Variants in KCNC4 observed in about 807,000 individuals in gnomAD.
KCNC4 encodes the protein potassium voltage-gated channel subfamily C member 4.
KCNC4 carries 23 observed loss-of-function variants against 42.8 expected under a neutral mutation model. The ratio of observed to expected loss-of-function variants is 0.54; its 90% confidence interval spans 0.39 to 0.76. The LOEUF is 0.76. KCNC4 is among the 30% of genes least tolerant of loss of function. The pLI, the probability that KCNC4 is intolerant of heterozygous loss-of-function variation, is 0.00. For synonymous variants in KCNC4, 422 were observed against 393.5 expected, an observed-to-expected ratio of 1.07 and a Z score of -0.86; for missense variants, 751 against 898.2, an observed-to-expected ratio of 0.84 and a Z score of 2.10.
intron 1 of KCNC4, among the ~76,000 whole-genome samples, chr1:110,260,241 G>A (rs1001249215): frequency 1.3e-5 from 2 of 152,112 alleles, no homozygotes; most frequent in African/African-American, 4.8e-5. Flanking sequence ...AACCATTTAG[G>A]GCATAAGGGT....
intron 1 of KCNC4, among the ~76,000 whole-genome samples, chr1:110,268,796 C>T (rs12747528): frequency 0.14 from 20,592 of 147,580 alleles, 1,517 homozygotes; most frequent in African/African-American, 0.17. Context: ...GGCGCGATCT[C>T]GGCTCACTGC....
chr1:110,244,395 CAA>C (rs1659098830), exon 4 of KCNC4: 2 of 107,144 alleles, frequency 1.9e-5, no homozygotes, highest in African/African-American at 3.5e-5. Context: ...TAATAAATAA[CAA>C]AACCCAGTTC....
At chr1:110,237,932 C>T (rs1449960340), downstream of KCNC4, 1 of 152,294 alleles carries the variant, frequency 6.6e-6, no homozygotes, top group Non-Finnish European at 1.5e-5. Context: ...GCTCCAAGCC[C>T]TGTGTGTGCA....
chr1:110,275,650 C>T (rs1333995892), intron 1 of KCNC4, among the ~76,000 whole-genome samples: 4 of 152,052 alleles, frequency 2.6e-5, no homozygotes, highest in Admixed American at 6.6e-5. Context: ...GTATATACCA[C>T]GGAATACTAT....
At chr1:110,232,137 C>T in intron 3 of KCNC4, 3 of 1,355,594 alleles carry the variant, frequency 2.2e-6, no homozygotes, top group African/African-American at 1.4e-5. Flanking sequence ...ACATCCCAGG[C>T]TGAGGGTGGG....
chr1:110,215,040 T>A (rs1038851918), intron 1 of KCNC4, among the ~76,000 whole-genome samples: 3 of 152,222 alleles, frequency 2.0e-5, no homozygotes, highest in Non-Finnish European at 4.4e-5. Flanking sequence ...CCCGCAGCAC[T>A]GTGGGGTGGT....
exon 2 of KCNC4, chr1:110,282,590 C>T (rs1054554996): frequency 2.0e-5 from 3 of 152,294 alleles, no homozygotes; most frequent in East Asian, 3.8e-4. Context: ...GTGAACACCA[C>T]TCTGCTCTGC....
rs188825855 is a variant in KCNC4, at chr1:110,257,319, G to A, written n.31-25215G>A. Among the ~76,000 whole-genome samples, 16 of 152,226 alleles carry A rather than the reference G, an allele frequency of 1.1e-4. No individual in the cohort carries two copies. The East Asian group carries it at 1.9e-3, about 18-fold the overall frequency. ...ATAACATGGAGCCTGTCCAGAAGAC[G>A]TCAGTTGGGAAAGTTTAGGGTAAAA... On this transcript the variant is annotated intron_variant and non_coding_transcript_variant, in intron 1 of 2. Coordinates refer to the KCNC4 transcript ENST00000412512.
In KCNC4 at chr1:110,233,426, C is replaced by T. The variant is rs1487315181; in HGVS notation, c.*454C>T. Reference sequence around the variant, plus strand: ...GGCTCCTGTCTTGGGGATGTTTCCCCTGTCAGCAAGTAACCTGGTGAAGTC... The same window carrying T: ...GGCTCCTGTCTTGGGGATGTTTCCCTTGTCAGCAAGTAACCTGGTGAAGTC... On this transcript the variant is annotated 3_prime_UTR_variant, in exon 4 of 4. Transcript: ENST00000438661. 1 of 204,974 alleles carries T rather than the reference C, an allele frequency of 4.9e-6. No individual in the cohort carries two copies. Among genetic ancestry groups the T allele is most frequent in the Non-Finnish European group, 1.0e-5 (1 of 100,280 alleles). 12.7% of individuals were successfully genotyped at this position (204,974 alleles called of 1,614,324 possible). A position where few individuals can be genotyped will look rare whatever the true frequency, so the allele number is the denominator to read the frequency against.
At chr1:110,263,730 G>A (rs997591205) in intron 1 of KCNC4, among the ~76,000 whole-genome samples, 75 of 152,120 alleles carry the variant, frequency 4.9e-4, no homozygotes, top group African/African-American at 1.6e-3. Flanking sequence ...AGTTCTTCCC[G>A]TGGGAAAGAC....
exon 4 of KCNC4, chr1:110,242,024 T>C (rs1488527000): frequency 6.6e-6 from 1 of 152,226 alleles, no homozygotes; most frequent in Non-Finnish European, 1.5e-5. Context: ...TTCTAGTCCA[T>C]GGTTGGGTTG....
At chr1:110,248,750 G>A (rs1659200986) in exon 4 of KCNC4, 2 of 152,130 alleles carry the variant, frequency 1.3e-5, no homozygotes, top group East Asian at 3.9e-4. Flanking sequence ...TCTCCTGTTC[G>A]GCTTGATGGC....
chr1:110,270,957 G>A (rs940326359), intron 1 of KCNC4, among the ~76,000 whole-genome samples: 9 of 152,202 alleles, frequency 5.9e-5, no homozygotes, highest in African/African-American at 2.2e-4. Flanking sequence ...ACCCTGGGGG[G>A]CTGAATGGAA....
exon 4 of KCNC4, chr1:110,239,846 C>T (rs1465906205): frequency 3.3e-5 from 5 of 152,164 alleles, no homozygotes; most frequent in African/African-American, 1.2e-4. Context: ...CATTTTCTAC[C>T]TGGTACTTTT....
chr1:110,227,715 C>T (rs1314199601), intron 3 of KCNC4, among the ~76,000 whole-genome samples: 2 of 152,130 alleles, frequency 1.3e-5, no homozygotes, highest in Non-Finnish European at 2.9e-5. Flanking sequence ...GTGTAGGACT[C>T]GAGCACACAG....
chr1:110,256,118 C>CT (rs1233562504), intron 1 of KCNC4, among the ~76,000 whole-genome samples: 1 of 152,192 alleles, frequency 6.6e-6, no homozygotes, highest in Non-Finnish European at 1.5e-5. Context: ...ACAGGACCAT[C>CT]TTATCCTATT....
At chr1:110,283,598 C>T (rs750414811), downstream of KCNC4, among the ~76,000 whole-genome samples, 4 of 152,176 alleles carry the variant, frequency 2.6e-5, no homozygotes, top group African/African-American at 7.2e-5. Flanking sequence ...TCTTCAGTTG[C>T]CCTAGGCTTC....
chr1:110,215,729 ACTC>A (rs1471990468), intron 1 of KCNC4, among the ~76,000 whole-genome samples: 1 of 152,106 alleles, frequency 6.6e-6, no homozygotes, highest in Non-Finnish European at 1.5e-5. Context: ...TTCTGCTACT[ACTC>A]ATCTGGCCTA....
At chr1:110,271,726 T>C (rs1204587706) in intron 1 of KCNC4, among the ~76,000 whole-genome samples, 1 of 151,226 alleles carries the variant, frequency 6.6e-6, no homozygotes, top group Non-Finnish European at 1.5e-5. Context: ...CAAACAATCA[T>C]GTGGGGGCTG....
Sources: allele counts gnomAD v4.1 joint callset (sites outside exome capture counted in the v4.1 genomes callset), GRCh38; gene constraint gnomAD v4.1.1; transcripts MANE v1.5; gene names NCBI Gene and HGNC (gene_info 2026-07-23, HGNC 2026-07-21).